Variants in PUS7 observed in about 807,000 individuals in gnomAD.
The protein encoded by PUS7 is pseudouridine synthase 7.
PUS7 carries 48 observed loss-of-function variants against 79.8 expected under a neutral mutation model. The observed-to-expected ratio is 0.60, with a 90% CI of 0.48 to 0.76. The LOEUF is 0.76. Among genes scored for constraint, PUS7 ranks in the 30% least tolerant of loss-of-function variants. The probability of loss-of-function intolerance (pLI) is 0.00; values close to 1 mark genes in which losing one functional copy is unlikely to be tolerated. For synonymous variants in PUS7, 286 were observed against 272.2 expected (o/e 1.05, Z -0.50); for missense variants, 729 against 797.6 (o/e 0.91, Z 1.04).
intron 5 of PUS7, among the ~76,000 whole-genome samples, chr7:105,501,540 C>T (rs1478037370): frequency 6.6e-6 from 1 of 152,036 alleles, no homozygotes; most frequent in East Asian, 1.9e-4. Flanking sequence ...AAAAGATGGG[C>T]TGAGATAAAA....
At chr7:105,503,324 T>C (rs779671915) in intron 4 of PUS7, among the ~76,000 whole-genome samples, 36 of 152,188 alleles carry the variant, frequency 2.4e-4, no homozygotes, top group Admixed American at 1.0e-3. Context: ...CCTTTTGGTA[T>C]GTGAGAAGCT....
chr7:105,521,180 TC>T (rs1586195996), intron 1 of PUS7, among the ~76,000 whole-genome samples: 1 of 148,184 alleles, frequency 6.7e-6, no homozygotes, highest in East Asian at 2.1e-4. Flanking sequence ...TAGTCGAGGC[TC>T]CCCCAGGCCA....
In PUS7 at chr7:105,502,461, T is replaced by C. The variant is rs773037616; in HGVS notation, c.689A>G (p.Tyr230Cys). ...TKTEDREGKK[Y>C]IVAYHAAGKK... ...CCCAGCTGCGTGGTAGGCTACAATGTATTTCTTCCCCTCCCTATCCTCTGT... is the reference window on the plus strand; with the variant it reads ...CCCAGCTGCGTGGTAGGCTACAATGCATTTCTTCCCCTCCCTATCCTCTGT... Residue 230 changes from tyrosine (Y) to cysteine (C), a missense_variant, in exon 5 of 16, where the codon TAC (tyrosine) becomes TGC (cysteine). Coordinates refer to ENST00000469408, the MANE Select transcript of PUS7 (RefSeq NM_019042.5). The C allele has an allele frequency of 1.4e-5, 22 of 1,614,064 alleles. No homozygotes were observed. The highest frequency in any genetic ancestry group is 1.8e-5 in the Non-Finnish European group (21 of 1,180,040).
chr7:105,497,199 C>T (rs953256059), intron 5 of PUS7, among the ~76,000 whole-genome samples: 2 of 152,190 alleles, frequency 1.3e-5, no homozygotes, highest in Non-Finnish European at 2.9e-5. Flanking sequence ...GTGCAGCCTC[C>T]TTGTCTCAAT....
intron 12 of PUS7, 119 bp downstream of exon 12, chr7:105,468,218 C>T: frequency 7.4e-7 from 1 of 1,358,026 alleles, no homozygotes; most frequent in Non-Finnish European, 1.0e-6. Flanking sequence ...TGGGCGTGTA[C>T]CACCGTGCCT....
chr7:105,487,775 G>A (rs1375921333), intron 7 of PUS7, among the ~76,000 whole-genome samples: 1 of 152,170 alleles, frequency 6.6e-6, no homozygotes, highest in Non-Finnish European at 1.5e-5. Flanking sequence ...GTTCAGAAAG[G>A]AGACTGGCAG....
chr7:105,475,350 T>C (rs552944652), intron 9 of PUS7, among the ~76,000 whole-genome samples: 7 of 152,070 alleles, frequency 4.6e-5, no homozygotes, highest in East Asian at 1.9e-4. Context: ...CACGCCTGGC[T>C]AATTTTTTAT....
chr7:105,495,076 G>T, intron 6 of PUS7, 66 bp downstream of exon 6: 1 of 861,378 alleles, frequency 1.2e-6, no homozygotes, highest in Non-Finnish European at 1.9e-6. Context: ...TTTTCCATTA[G>T]CATGGAAAAA....
intron 11 of PUS7, 116 bp from the exon 12 acceptor site, chr7:105,468,579 A>G: frequency 1.1e-6 from 1 of 896,678 alleles, no homozygotes; most frequent in Non-Finnish European, 1.6e-6. Context: ...GTGCAGTGGC[A>G]CGATCTAGGC....
At chr7:105,460,360 T>C (rs1322934291) in intron 14 of PUS7, among the ~76,000 whole-genome samples, 1 of 152,184 alleles carries the variant, frequency 6.6e-6, no homozygotes, top group African/African-American at 2.4e-5. Flanking sequence ...AGCTTGTTAC[T>C]GAGAAGGAAC....
In PUS7 at chr7:105,462,647, G is replaced by T. The variant is rs1429874533; in HGVS notation, c.1731C>A (p.Ile577=). 6.2e-7 allele frequency: 1 copy of T among 1,613,634 alleles called. No homozygotes were observed. The highest frequency in any genetic ancestry group is 1.3e-5 in the African/African-American group (1 of 74,908). The part of the protein sequence containing the change: ...DYSLSGAYRK[I]IIRPQNVSWE... ...AGCTAACATTCTGAGGACGAATAAT[G>T]ATCTTTCGGTAGGCCCCTGACAAGG... Residue 577 remains isoleucine, a synonymous_variant, in exon 14 of 16, where the codon ATC becomes ATA. Coordinates refer to ENST00000469408, the MANE Select transcript of PUS7 (RefSeq NM_019042.5).
Position 105,457,689 on chromosome 7 carries a change from G to T in PUS7, c.*101C>A. On this transcript the variant is annotated 3_prime_UTR_variant, in exon 16 of 16. Coordinates refer to ENST00000469408, the MANE Select transcript of PUS7 (RefSeq NM_019042.5). The stretch of plus-strand genomic sequence containing the variant: ...AAATACAAATAATTTTTATTACAAA[G>T]ATTTGAAATCCATATATGAGTCTGA... 2 of 1,112,938 alleles carry T rather than the reference G, an allele frequency of 1.8e-6. No homozygotes were observed. The highest frequency in any genetic ancestry group is 2.5e-6 in the Non-Finnish European group (2 of 809,184). The allele number at this position is 1,112,938 out of a possible 1,614,324, so 68.9% of individuals were successfully genotyped here.
intron 9 of PUS7, among the ~76,000 whole-genome samples, chr7:105,476,850 A>G (rs746255769): frequency 9.2e-5 from 14 of 152,174 alleles, no homozygotes; most frequent in Non-Finnish European, 1.2e-4. Flanking sequence ...TATCTCCCTA[A>G]TGACTAGTGA....
At chr7:105,487,499 G>A (rs1824599508) in intron 7 of PUS7, among the ~76,000 whole-genome samples, 1 of 152,094 alleles carries the variant, frequency 6.6e-6, no homozygotes, top group South Asian at 2.1e-4. Context: ...AAATTCCACT[G>A]GCACAGCAAA....
intron 12 of PUS7, 71 bp from the exon 13 acceptor site, chr7:105,465,485 T>C: frequency 8.9e-7 from 1 of 1,125,314 alleles, no homozygotes; most frequent in Non-Finnish European, 1.3e-6. Flanking sequence ...CTTCTAAAAT[T>C]ATATACATCT....
intron 7 of PUS7, among the ~76,000 whole-genome samples, 152 bp downstream of exon 7, chr7:105,491,385 TAAG>T (rs1034049798): frequency 1.3e-4 from 20 of 152,246 alleles, no homozygotes; most frequent in African/African-American, 3.6e-4. Flanking sequence ...GTTTCATAGA[TAAG>T]AAGAAGAAAA....
intron 1 of PUS7, among the ~76,000 whole-genome samples, chr7:105,512,284 C>T (rs183874243): frequency 6.6e-6 from 1 of 151,392 alleles, no homozygotes; most frequent in African/African-American, 2.4e-5. Flanking sequence ...AAGAAAAAAG[C>T]ATTTACTCTT....
chr7:105,516,317 T>C (rs2133292576), intron 1 of PUS7, among the ~76,000 whole-genome samples: 1 of 152,236 alleles, frequency 6.6e-6, no homozygotes, highest in Non-Finnish European at 1.5e-5. Context: ...CTAAGTTCTG[T>C]CCTATAGGCC....
Position 105,482,172 on chromosome 7 carries a change from G to C in PUS7, c.1049+140C>G. On this transcript the variant is annotated intron_variant, in intron 8 of 15. Transcript: ENST00000469408. ...GGTATCTGCTCTCCCAGCCCTGCCA[G>C]GCCCTGCTCTGCCCTCCCTTGCTGC... The C allele has an allele frequency of 1.2e-5, 12 of 975,672 alleles. No individual in the cohort carries two copies. The South Asian group carries it at 2.0e-4, about 16-fold the overall frequency. The allele number at this position is 975,672 out of a possible 1,614,324, so 60.4% of individuals were successfully genotyped here.
Sources: gnomAD v4.1 joint callset for allele counts (sites outside exome capture counted in the v4.1 genomes callset) on GRCh38, gnomAD v4.1.1 for gene constraint, MANE v1.5 for transcripts, NCBI Gene and HGNC (gene_info 2026-07-23, HGNC 2026-07-21) for gene names.